Variants in DACH2 observed in about 807,000 individuals in gnomAD.
DACH2 encodes dachshund homolog 2.
A neutral mutation model predicts 35.8 loss-of-function variants in DACH2; 17 were observed. That is an observed-to-expected ratio of 0.48 (90% CI 0.33 to 0.71). The LOEUF (loss-of-function observed/expected upper bound fraction) is 0.71, where lower values mean the gene tolerates loss of function less well. Ranked by LOEUF, DACH2 falls within the 30% of genes least tolerant of loss-of-function variation. The pLI is 0.02. For missense variants in DACH2, 469 were observed against 472.7 expected, an observed-to-expected ratio of 0.99 and a Z score of 0.07; for synonymous variants, 195 against 177.3, an observed-to-expected ratio of 1.10 and a Z score of -0.79.
intron 6 of DACH2, among the ~76,000 whole-genome samples, chrX:86,725,172 C>T (rs142682728): frequency 0.011 from 1,205 of 111,037 alleles, 15 homozygotes; most frequent in African/African-American, 0.037. Context: ...AATATTTTAT[C>T]TGTCATTCAG....
rs186861029 is a variant in DACH2, at chrX:86,160,831, C to T, written c.488+11723C>T. Reference sequence around the variant, plus strand: ...ACTGCAGCAAAGGAGACCACCATACCGGGTTTGAGAACACCAGTCTTCACT... The same window carrying T: ...ACTGCAGCAAAGGAGACCACCATACTGGGTTTGAGAACACCAGTCTTCACT... On this transcript the variant is annotated intron_variant, in intron 1 of 11. Transcript: ENST00000373125. The T allele has an allele frequency of 2.8e-4, 136 of 491,632 alleles. 1 individual carries two copies. The highest frequency in any genetic ancestry group is 2.7e-3 in the African/African-American group (113 of 42,157). 40.5% of individuals were successfully genotyped at this position (491,632 alleles called of 1,213,427 possible).
chrX:86,212,438 C>T (rs1369003070), intron 1 of DACH2, among the ~76,000 whole-genome samples: 2 of 111,219 alleles, frequency 1.8e-5, no homozygotes, highest in Non-Finnish European at 3.8e-5. Context: ...TATGACCTAA[C>T]AAGCACTTTA....
At chrX:86,546,419 TTCTTCTTCTTCTTCC>T (rs1569435835) in intron 3 of DACH2, among the ~76,000 whole-genome samples, 1 of 68,947 alleles carries the variant, frequency 1.5e-5, no homozygotes, top group East Asian at 6.6e-4. Context: ...TTCTTCTTCT[TTCTTCTTCTTCTTCC>T]TCTTCTTCTT....
intron 2 of DACH2, chrX:86,480,934 ATATT>A (rs2037926519): frequency 8.9e-6 from 1 of 112,072 alleles, no homozygotes; most frequent in South Asian, 3.7e-4. Flanking sequence ...AAGAGATACA[ATATT>A]TATTTCACAT....
At chrX:86,566,871 C>A (rs1158704902) in intron 3 of DACH2, among the ~76,000 whole-genome samples, 2 of 111,450 alleles carry the variant, frequency 1.8e-5, no homozygotes, top group Non-Finnish European at 3.8e-5. Context: ...ATGAAGAAAC[C>A]AAAATCAGAT....
intron 1 of DACH2, among the ~76,000 whole-genome samples, chrX:86,231,079 T>G (rs1486342062): frequency 2.7e-5 from 3 of 112,374 alleles, no homozygotes; most frequent in Non-Finnish European, 5.6e-5. Flanking sequence ...GACCTTAGAT[T>G]GTCTGTTTGT....
chrX:86,233,860 A>C (rs909331982), intron 1 of DACH2, among the ~76,000 whole-genome samples: 1 of 111,973 alleles, frequency 8.9e-6, no homozygotes, highest in Non-Finnish European at 1.9e-5. Context: ...AGACTTATTC[A>C]CTACCATGAG....
At chrX:86,583,939 T>G (rs1256633129) in intron 3 of DACH2, among the ~76,000 whole-genome samples, 2 of 110,863 alleles carry the variant, frequency 1.8e-5, no homozygotes, top group African/African-American at 6.5e-5. Flanking sequence ...GCCTGCCTAG[T>G]AAAAAGAAAT....
At chrX:86,563,975 T>A (rs2039261525) in intron 3 of DACH2, among the ~76,000 whole-genome samples, 1 of 111,201 alleles carries the variant, frequency 9.0e-6, no homozygotes, top group Non-Finnish European at 1.9e-5. Context: ...TCTTAATTTT[T>A]AAAAATTTTC....
chrX:86,832,591 A>G lies in DACH2; in HGVS notation c.*436A>G, dbSNP rs1175444475. ...GCTAAACTTCAGCGTAAATAAAAAC[A>G]TTTTGACTTTGTCAATTGTCACTGA... On this transcript the variant is annotated 3_prime_UTR_variant, in exon 12 of 12. Transcript: ENST00000373125. The G allele has an allele frequency of 1.7e-5, 2 of 116,911 alleles. No homozygotes were observed. The highest frequency in any genetic ancestry group is 3.5e-5 in the Non-Finnish European group (2 of 56,575). 9.6% of individuals were successfully genotyped at this position (116,911 alleles called of 1,213,427 possible).
chrX:86,523,312 G>A (rs1425535427), intron 3 of DACH2, among the ~76,000 whole-genome samples: 2 of 110,621 alleles, frequency 1.8e-5, no homozygotes, highest in African/African-American at 3.3e-5. Flanking sequence ...TGCATCATTG[G>A]TATCAGTATC....
chrX:86,784,944 A>G (rs905122130), intron 7 of DACH2, among the ~76,000 whole-genome samples: 19 of 110,958 alleles, frequency 1.7e-4, no homozygotes, highest in African/African-American at 6.2e-4. Context: ...CAAGGACACA[A>G]AGAAGGGAAC....
rs56293403 is a variant in DACH2, at chrX:86,707,912, T to TAAAAAAAAAAAAAAAA, written c.932-6633_932-6618dup. Among the ~76,000 whole-genome samples, 40 of 34,550 alleles carry TAAAAAAAAAAAAAAAA rather than the reference T, an allele frequency of 1.2e-3. 7 individuals are homozygous for TAAAAAAAAAAAAAAAA. Among genetic ancestry groups the TAAAAAAAAAAAAAAAA allele is most frequent in the African/African-American group, 4.0e-3 (21 of 5,247 alleles). The allele number at this position is 34,550 out of a possible 115,157, so 30.0% of individuals were successfully genotyped here. Reference sequence around the variant, plus strand: ...CCTGGTGACAGAGTAAGACTCCATCTAAAAAAAAAAAAAAAAAATTACACA... The same window carrying TAAAAAAAAAAAAAAAA: ...CCTGGTGACAGAGTAAGACTCCATCTAAAAAAAAAAAAAAAAAAAAAAAAAAAAAAAAAATTACACA... On this transcript the variant is annotated intron_variant, in intron 5 of 11. Transcript: ENST00000373125.
At chrX:86,667,552 GA>G (rs1338999000) in intron 4 of DACH2, among the ~76,000 whole-genome samples, 801 of 44,471 alleles carry the variant, frequency 0.018, 4 homozygotes, top group Admixed American at 0.024. Flanking sequence ...AAAGAAGAAA[GA>G]AAGAAAGAAA....
chrX:86,531,908 A>G (rs1005532145), intron 3 of DACH2, among the ~76,000 whole-genome samples: 4 of 113,084 alleles, frequency 3.5e-5, no homozygotes, highest in African/African-American at 1.3e-4. Context: ...CCACTGGTAG[A>G]GCTGCCCAAG....
At chrX:86,358,431 C>CCACACACA (rs752012562) in intron 1 of DACH2, among the ~76,000 whole-genome samples, 24 of 87,536 alleles carry the variant, frequency 2.7e-4, no homozygotes, top group South Asian at 1.4e-3. Flanking sequence ...CCCAGCCCCG[C>CCACACACA]CACACACACA....
chrX:86,801,811 T>C (rs2042297056), intron 7 of DACH2, among the ~76,000 whole-genome samples: 1 of 112,388 alleles, frequency 8.9e-6, no homozygotes, highest in African/African-American at 3.2e-5. Flanking sequence ...AGTAAATTTA[T>C]AATCCATAGA....
intron 1 of DACH2, among the ~76,000 whole-genome samples, chrX:86,330,353 T>A (rs2035190496): frequency 1.8e-5 from 2 of 112,087 alleles, no homozygotes; most frequent in South Asian, 7.3e-4. Flanking sequence ...GTGTTGTTAA[T>A]CCTTGTTGAA....
At chrX:86,831,612 C>T (rs2042612580) in intron 11 of DACH2, 1 of 110,837 alleles carries the variant, frequency 9.0e-6, no homozygotes, top group Non-Finnish European at 1.9e-5. Context: ...ACCGGTTTGA[C>T]TAAACACTGT....
Sources: gnomAD v4.1 joint callset for allele counts (sites outside exome capture counted in the v4.1 genomes callset) on GRCh38, gnomAD v4.1.1 for gene constraint, MANE v1.5 for transcripts, NCBI Gene and HGNC (gene_info 2026-07-23, HGNC 2026-07-21) for gene names.